Variants in GRID2 observed in about 807,000 individuals in gnomAD.
GRID2 encodes the protein glutamate ionotropic receptor delta type subunit 2.
Under a neutral mutation model 114.8 loss-of-function variants are expected in GRID2, and 33 were observed. The observed-to-expected ratio is 0.29, with a 90% confidence interval of 0.22 to 0.38. GRID2 has a LOEUF of 0.38. GRID2 is among the 10% of genes least tolerant of loss of function. The pLI is 1.00. For missense variants in GRID2, 1,184 were observed against 1,257.7 expected, an observed-to-expected ratio of 0.94 and a Z score of 0.89; for synonymous variants, 505 against 449.9, an observed-to-expected ratio of 1.12 and a Z score of -1.55.
chr4:92,332,317 C>T (rs1008923338), intron 1 of GRID2, among the ~76,000 whole-genome samples: 6 of 152,056 alleles, frequency 3.9e-5, no homozygotes, highest in Non-Finnish European at 8.8e-5. Context: ...ACAGATTGAA[C>T]TCACAGCCTC....
rs574995558 is a variant in GRID2, at chr4:93,016,409, T to C, written c.245-68586T>C. Among the ~76,000 whole-genome samples, 8 of 152,252 alleles carry C rather than the reference T, an allele frequency of 5.3e-5. No individual in the cohort carries two copies. In the South Asian group the frequency reaches 1.4e-3, roughly 28 times the overall value. On this transcript the variant is annotated intron_variant, in intron 2 of 15. Coordinates refer to ENST00000282020, the MANE Select transcript of GRID2 (RefSeq NM_001510.4). ...TAAGCGCTTTCTGTAAATTAATTTATGTTGCTTTGAGGTAGCTAGTATAAC... is the reference window on the plus strand; with the variant it reads ...TAAGCGCTTTCTGTAAATTAATTTACGTTGCTTTGAGGTAGCTAGTATAAC...
intron 1 of GRID2, among the ~76,000 whole-genome samples, chr4:92,517,507 T>A (rs1040303990): frequency 1.3e-5 from 2 of 151,930 alleles, no homozygotes; most frequent in African/African-American, 2.4e-5. Context: ...TGTGAATGTG[T>A]ATGTTGTTAA....
chr4:93,616,313 G>A (rs1480380530), intron 13 of GRID2, among the ~76,000 whole-genome samples: 1 of 151,826 alleles, frequency 6.6e-6, no homozygotes, highest in South Asian at 2.1e-4. Flanking sequence ...GGAAGCCAAG[G>A]CACGCAGATC....
At chr4:93,475,524 A>G (rs186751855) in intron 11 of GRID2, among the ~76,000 whole-genome samples, 329 of 152,240 alleles carry the variant, frequency 2.2e-3, no homozygotes, top group Admixed American at 5.6e-3. Flanking sequence ...GAGGCTTAAA[A>G]ATGTATTTTA....
At chr4:93,724,792 T>G (rs1185240180) in intron 14 of GRID2, among the ~76,000 whole-genome samples, 4 of 151,928 alleles carry the variant, frequency 2.6e-5, no homozygotes, top group Non-Finnish European at 4.4e-5. Flanking sequence ...TTGTTGTTGT[T>G]GTTTTGAGAC....
chr4:93,455,776 A>C lies in GRID2; in HGVS notation c.1660A>C (p.Lys554Gln). The change falls in exon 11 of 16, where the codon AAG becomes CAG. Residue 554 changes from lysine (K) to glutamine (Q), a missense_variant. Lys to Gln is a moderately conservative substitution (Grantham distance 53). Transcript: ENST00000282020. ...GGGGGTACTACTTCGAAGGGCTGAA[A>C]AGACAGTGGATATGTTTGCCTGTCT... ...SVGVLLRRAEKTVDMFACLAP... is the reference protein window; with the variant it reads ...SVGVLLRRAEQTVDMFACLAP... The C allele has an allele frequency of 1.2e-6, 2 of 1,613,294 alleles. No individual in the cohort carries two copies. The highest frequency in any genetic ancestry group is 1.7e-6 in the Non-Finnish European group (2 of 1,179,302).
chr4:93,691,364 A>G (rs1335730815), intron 14 of GRID2, among the ~76,000 whole-genome samples: 1 of 152,032 alleles, frequency 6.6e-6, no homozygotes, highest in Non-Finnish European at 1.5e-5. Context: ...AATGTGGTCA[A>G]TAGGTCTAGA....
At chr4:93,332,318 G>C (rs1758583737) in intron 8 of GRID2, among the ~76,000 whole-genome samples, 1 of 151,298 alleles carries the variant, frequency 6.6e-6, no homozygotes, top group South Asian at 2.1e-4. Context: ...GAGAGAGAGA[G>C]AGAGAGAACT....
At chr4:92,960,515 C>T (rs1355276473) in intron 2 of GRID2, among the ~76,000 whole-genome samples, 1 of 151,956 alleles carries the variant, frequency 6.6e-6, no homozygotes. Flanking sequence ...TGTAATGCTC[C>T]TCCTTATCTC....
intron 1 of GRID2, among the ~76,000 whole-genome samples, chr4:93,788,918 A>C (rs1159060267): frequency 6.6e-6 from 1 of 152,234 alleles, no homozygotes; most frequent in South Asian, 2.1e-4. Flanking sequence ...GCATAGAAAC[A>C]GTCCTACCTC....
chr4:93,129,936 C>G (rs1734639352), intron 4 of GRID2, among the ~76,000 whole-genome samples: 1 of 152,106 alleles, frequency 6.6e-6, no homozygotes, highest in African/African-American at 2.4e-5. Context: ...CTGTCAGGCC[C>G]CAAATGTCCA....
chr4:92,611,066 GTGTATATATATA>G (rs1560487995), intron 2 of GRID2, among the ~76,000 whole-genome samples: 2 of 136,410 alleles, frequency 1.5e-5, no homozygotes, highest in South Asian at 2.5e-4. Context: ...ATATGTGTGT[GTGTATATATATA>G]TGTGTGTATA....
chr4:93,695,902 A>T (rs1726977293), intron 14 of GRID2, among the ~76,000 whole-genome samples: 1 of 152,210 alleles, frequency 6.6e-6, no homozygotes, highest in Non-Finnish European at 1.5e-5. Context: ...AATGCTCTGT[A>T]ATTTGCAAAA....
intron 8 of GRID2, among the ~76,000 whole-genome samples, chr4:93,309,712 A>C (rs1210657323): frequency 6.6e-6 from 1 of 152,178 alleles, no homozygotes; most frequent in Non-Finnish European, 1.5e-5. Context: ...AGGGATCAAG[A>C]AAATCTAGTG....
chr4:93,169,464 C>T (rs973666213), intron 4 of GRID2, among the ~76,000 whole-genome samples: 1 of 152,036 alleles, frequency 6.6e-6, no homozygotes, highest in African/African-American at 2.4e-5. Context: ...AACAAATTAG[C>T]CCTAATGTAT....
At chr4:92,342,321 ATAAT>A (rs1727537668) in intron 1 of GRID2, among the ~76,000 whole-genome samples, 1 of 152,190 alleles carries the variant, frequency 6.6e-6, no homozygotes, top group South Asian at 2.1e-4. Flanking sequence ...ATATAAAATA[ATAAT>A]TAAAAGTCCC....
chr4:93,653,707 G>C (rs1191678030), intron 14 of GRID2, among the ~76,000 whole-genome samples: 1 of 152,108 alleles, frequency 6.6e-6, no homozygotes, highest in Non-Finnish European at 1.5e-5. Context: ...TAGTTTGACT[G>C]TTTAGTCAAT....
intron 1 of GRID2, among the ~76,000 whole-genome samples, chr4:92,500,135 G>T (rs1723602106): frequency 6.6e-6 from 1 of 151,860 alleles, no homozygotes; most frequent in Non-Finnish European, 1.5e-5. Flanking sequence ...TAAGTCTCAG[G>T]CATTTTACTA....
chr4:92,370,637 C>G (rs1262198140), intron 1 of GRID2, among the ~76,000 whole-genome samples: 1 of 152,088 alleles, frequency 6.6e-6, no homozygotes, highest in African/African-American at 2.4e-5. Context: ...CTGCAATGGC[C>G]TCTAAGTGTT....
Sources: allele counts gnomAD v4.1 joint callset (sites outside exome capture counted in the v4.1 genomes callset), GRCh38; gene constraint gnomAD v4.1.1; transcripts MANE v1.5; gene names NCBI Gene and HGNC (gene_info 2026-07-23, HGNC 2026-07-21).